Variants in PCSK5 observed in about 807,000 individuals in gnomAD.
PCSK5 encodes proprotein convertase subtilisin/kexin type 5, also known as prohormone convertase 5.
In PCSK5, 129 loss-of-function variants were observed where a neutral mutation model predicts 233.2. The observed-to-expected ratio is 0.55, with a 90% CI of 0.48 to 0.64. The LOEUF is 0.64. Ranked by LOEUF, PCSK5 falls within the 30% of genes least tolerant of loss-of-function variation. The pLI is 0.00. For synonymous variants in PCSK5, 825 were observed against 879.2 expected, an observed-to-expected ratio of 0.94 and a Z score of 1.09; for missense variants, 2,076 against 2,430.1, an observed-to-expected ratio of 0.85 and a Z score of 3.06.
At chr9:76,292,401 T>C (rs1464312525) in intron 25 of PCSK5, 126 bp downstream of exon 25, 7 of 665,904 alleles carry the variant, frequency 1.1e-5, no homozygotes, top group African/African-American at 1.8e-5. Flanking sequence ...CCTGTCAGGC[T>C]ATTAATGAGC....
intron 35 of PCSK5, among the ~76,000 whole-genome samples, chr9:76,347,445 T>G (rs960550359): frequency 9.2e-5 from 14 of 152,158 alleles, no homozygotes; most frequent in African/African-American, 3.1e-4. Context: ...TTGCTAAAGA[T>G]TCTGGGTACC....
chr9:76,090,442 C>T (rs1412963432), intron 7 of PCSK5, among the ~76,000 whole-genome samples: 1 of 152,096 alleles, frequency 6.6e-6, no homozygotes, highest in Non-Finnish European at 1.5e-5. Context: ...ATGGCATTTC[C>T]AGCCTGCAAA....
At chr9:76,270,845 T>G (rs1827489388) in intron 24 of PCSK5, among the ~76,000 whole-genome samples, 1 of 152,022 alleles carries the variant, frequency 6.6e-6, no homozygotes, top group Admixed American at 6.6e-5. Flanking sequence ...CACAGGGGAG[T>G]AGGGAAATCA....
At chr9:76,225,821 G>T (rs1825872043) in intron 20 of PCSK5, among the ~76,000 whole-genome samples, 1 of 152,158 alleles carries the variant, frequency 6.6e-6, no homozygotes, top group Non-Finnish European at 1.5e-5. Flanking sequence ...GTTAATAAAA[G>T]GTGTCCCTCT....
intron 2 of PCSK5, among the ~76,000 whole-genome samples, chr9:75,948,212 C>G (rs1278825298): frequency 1.3e-5 from 2 of 151,920 alleles, no homozygotes; most frequent in African/African-American, 4.8e-5. Flanking sequence ...GTACAACATG[C>G]AGGTTTGTTA....
chr9:76,259,945 GC>G, intron 24 of PCSK5, among the ~76,000 whole-genome samples: 1 of 152,118 alleles, frequency 6.6e-6, no homozygotes, highest in East Asian at 1.9e-4. Flanking sequence ...CTTCTGTGAA[GC>G]CCTTTCTCTT....
chr9:76,007,849 G>A (rs1428702163), intron 3 of PCSK5, among the ~76,000 whole-genome samples: 1 of 105,982 alleles, frequency 9.4e-6, no homozygotes, highest in African/African-American at 3.4e-5. Context: ...TGTATTTTTT[G>A]TAGCCACAAA....
chr9:75,948,563 A>G (rs1463893757), intron 2 of PCSK5, among the ~76,000 whole-genome samples: 1 of 151,972 alleles, frequency 6.6e-6, no homozygotes, highest in African/African-American at 2.4e-5. Context: ...TCTATCATCG[A>G]TGGACATTTG....
chr9:76,046,021 A>C (rs1375698266), intron 5 of PCSK5, among the ~76,000 whole-genome samples: 1 of 152,172 alleles, frequency 6.6e-6, no homozygotes, highest in Non-Finnish European at 1.5e-5. Flanking sequence ...AGAATATTAT[A>C]AATAAATGCT....
At chr9:76,294,812 G>A (rs992942162) in intron 25 of PCSK5, among the ~76,000 whole-genome samples, 1 of 152,044 alleles carries the variant, frequency 6.6e-6, no homozygotes, top group Non-Finnish European at 1.5e-5. Flanking sequence ...TGGGTTGAGG[G>A]GTGCATAACA....
intron 7 of PCSK5, among the ~76,000 whole-genome samples, chr9:76,081,793 T>G (rs1428669558): frequency 6.6e-6 from 1 of 152,110 alleles, no homozygotes; most frequent in Non-Finnish European, 1.5e-5. Flanking sequence ...CAGTCTCCCT[T>G]CCTAACCCCG....
intron 30 of PCSK5, 79 bp from the exon 31 acceptor site, chr9:76,321,343 C>G: frequency 3.9e-6 from 3 of 776,126 alleles, no homozygotes; most frequent in Non-Finnish European, 6.8e-6. Context: ...TGTTTTTAGA[C>G]CTAATTCCTT....
intron 9 of PCSK5, among the ~76,000 whole-genome samples, chr9:76,120,216 T>C (rs1315464176): frequency 3.3e-5 from 5 of 152,138 alleles, no homozygotes; most frequent in Non-Finnish European, 7.4e-5. Flanking sequence ...TTGTATTCTT[T>C]TAAGTTGTTG....
At chr9:76,043,264 A>T (rs369954974) in intron 5 of PCSK5, among the ~76,000 whole-genome samples, 1 of 131,350 alleles carries the variant, frequency 7.6e-6, no homozygotes, top group Non-Finnish European at 1.6e-5. Flanking sequence ...TGTACCCGGG[A>T]GGTGGAGCTT....
intron 3 of PCSK5, 78 bp from the exon 4 acceptor site, chr9:76,023,660 C>A (rs987610754): frequency 1.8e-5 from 23 of 1,309,124 alleles, no homozygotes; most frequent in African/African-American, 9.1e-5. Context: ...AAAAAAAAAA[C>A]AAAAGAAAGA....
chr9:76,324,680 G>A (rs770215388), intron 32 of PCSK5, among the ~76,000 whole-genome samples: 25 of 152,042 alleles, frequency 1.6e-4, no homozygotes, highest in Non-Finnish European at 2.4e-4. Context: ...GTTTTAACTC[G>A]GCATGAATCA....
chr9:76,302,735 A>G (rs1487849553), intron 28 of PCSK5, among the ~76,000 whole-genome samples: 1 of 152,194 alleles, frequency 6.6e-6, no homozygotes, highest in African/African-American at 2.4e-5. Context: ...TTTACTTTAC[A>G]GGCAAGGTGA....
At chr9:76,169,679 A>G (rs1392516054) in intron 12 of PCSK5, 25 bp from the exon 13 acceptor site, 3 of 1,610,566 alleles carry the variant, frequency 1.9e-6, no homozygotes, top group African/African-American at 2.7e-5. Context: ...AATATCGCAC[A>G]TAACAATGTT....
At chr9:76,192,034 G>A (rs1002622984) in intron 20 of PCSK5, among the ~76,000 whole-genome samples, 8 of 136,796 alleles carry the variant, frequency 5.8e-5, no homozygotes, top group Non-Finnish European at 9.1e-5. Flanking sequence ...AGCAGAGATC[G>A]TGTCCAGCCT....
Sources: gnomAD v4.1 joint callset for allele counts (sites outside exome capture counted in the v4.1 genomes callset) on GRCh38, gnomAD v4.1.1 for gene constraint, MANE v1.5 for transcripts, NCBI Gene and HGNC (gene_info 2026-07-23, HGNC 2026-07-21) for gene names.